AGBL1: variants seen among roughly 807,000 people sequenced by gnomAD.
AGBL1 encodes cytosolic carboxypeptidase 4.
AGBL1 carries 130 observed loss-of-function variants against 118.9 expected under a neutral mutation model. That is an observed-to-expected ratio of 1.09 (90% CI 0.95 to 1.26). AGBL1 has a LOEUF of 1.26. AGBL1 is among the 50% of genes most tolerant of loss of function. AGBL1 has a pLI of 0.00. For missense variants in AGBL1, 1,584 were observed against 1,298.1 expected (o/e 1.22, Z -3.38); for synonymous variants, 555 against 478.9 (o/e 1.16, Z -2.08).
Position 86,938,132 on chromosome 15 carries a change from G to T in AGBL1, c.3222-49855G>T, listed in dbSNP as rs2080698738. Among the ~76,000 whole-genome samples, 3 of 152,182 alleles carry T rather than the reference G, an allele frequency of 2.0e-5. No individual in the cohort carries two copies. The South Asian group carries it at 6.2e-4, about 32-fold the overall frequency. The stretch of plus-strand genomic sequence containing the variant: ...GATTGTGCAGAGACACTTCTGATAA[G>T]TGTGGTCCCTAATTTTCCAGCTTCC... On this transcript the variant is annotated intron_variant, in intron 23 of 24. Coordinates refer to the AGBL1 transcript ENST00000441037.
At chr15:86,086,728 T>C (rs1895681686) in intron 1 of AGBL1, among the ~76,000 whole-genome samples, 2 of 152,278 alleles carry the variant, frequency 1.3e-5, no homozygotes, top group South Asian at 2.1e-4. Flanking sequence ...GTTAAGCAAA[T>C]AAGTTGCTTA....
chr15:86,962,701 C>A (rs765627), intron 23 of AGBL1, among the ~76,000 whole-genome samples: 1 of 151,704 alleles, frequency 6.6e-6, no homozygotes, highest in South Asian at 2.1e-4. Flanking sequence ...AAACATATTT[C>A]GAGGCAGGTC....
At chr15:86,102,795 T>G (rs184526018) in intron 1 of AGBL1, among the ~76,000 whole-genome samples, 1 of 152,292 alleles carries the variant, frequency 6.6e-6, no homozygotes, top group Admixed American at 6.5e-5. Flanking sequence ...TATTTGGGGA[T>G]CTCTAAGCTT....
At chr15:86,389,004 T>A (rs2081238206) in intron 17 of AGBL1, among the ~76,000 whole-genome samples, 1 of 152,354 alleles carries the variant, frequency 6.6e-6, no homozygotes, top group Non-Finnish European at 1.5e-5. Flanking sequence ...ATTTAAAGGA[T>A]TCTTTTTATT....
intron 21 of AGBL1, among the ~76,000 whole-genome samples, chr15:86,649,406 A>G (rs1272555691): frequency 6.6e-6 from 1 of 152,166 alleles, no homozygotes; most frequent in African/African-American, 2.4e-5. Context: ...GAGTAGGAGA[A>G]TGAATGGGCA....
At chr15:86,917,112 G>A (rs2080434092), downstream of AGBL1, among the ~76,000 whole-genome samples, 1 of 152,224 alleles carries the variant, frequency 6.6e-6, no homozygotes, top group South Asian at 2.1e-4. This position sits in a 1 kb window ranked among gnomAD's most constrained non-coding sequence, Gnocchi z 4.8. Context: ...CTGCACTGGT[G>A]TTTAAAGTGC....
chr15:86,182,104 A>G (rs559666852), intron 5 of AGBL1, among the ~76,000 whole-genome samples: 15 of 152,206 alleles, frequency 9.9e-5, no homozygotes, highest in African/African-American at 3.6e-4. Flanking sequence ...GCACAAAGCA[A>G]GAAATGGACT....
intron 22 of AGBL1, among the ~76,000 whole-genome samples, chr15:86,854,250 T>C (rs1596553713): frequency 6.6e-6 from 1 of 152,166 alleles, no homozygotes; most frequent in African/African-American, 2.4e-5. Flanking sequence ...GTAATGGACA[T>C]GTACAGGCCA....
intron 18 of AGBL1, among the ~76,000 whole-genome samples, chr15:86,423,172 A>G (rs1438652209): frequency 2.0e-5 from 3 of 152,248 alleles, no homozygotes; most frequent in Non-Finnish European, 2.9e-5. Context: ...ATGAATATCA[A>G]TGTGAAAATC....
Position 86,155,922 on chromosome 15 carries a change from AT to A in AGBL1, c.394+1370del, listed in dbSNP as rs553727891. Among the ~76,000 whole-genome samples the A allele has an allele frequency of 5.3e-5, 8 of 151,542 alleles. No homozygotes were observed. The East Asian group carries it at 5.9e-4, about 11-fold the overall frequency. On this transcript the variant is annotated intron_variant, in intron 4 of 22. Transcript: ENST00000614907. ...TGTATTTTCTCACTTTATTTTTTTA[AT>A]TTTTTTTTATTTTTTTGAGATGAAG...
At chr15:86,422,561 T>C (rs545953147) in intron 18 of AGBL1, among the ~76,000 whole-genome samples, 1 of 151,382 alleles carries the variant, frequency 6.6e-6, no homozygotes, top group Non-Finnish European at 1.5e-5. Flanking sequence ...GCAAACAAAT[T>C]CAAAAGCTAG....
chr15:87,014,661 A>G lies in AGBL1; in HGVS notation c.3324-14164A>G, dbSNP rs114765191. Among the ~76,000 whole-genome samples the G allele has an allele frequency of 8.1e-3, 1,241 of 152,316 alleles. 20 individuals carry two copies. Among genetic ancestry groups the G allele is most frequent in the African/African-American group, 0.023 (964 of 41,582 alleles). On this transcript the variant is annotated intron_variant, in intron 24 of 24. Coordinates refer to the AGBL1 transcript ENST00000441037. Reference sequence around the variant, plus strand: ...AGGCAGAATCAGAAGGAAGAGGTACAGAAGAGTACCCGGATATTTCAATGC... The same window carrying G: ...AGGCAGAATCAGAAGGAAGAGGTACGGAAGAGTACCCGGATATTTCAATGC...
chr15:86,832,575 G>C (rs2079119935), intron 22 of AGBL1, among the ~76,000 whole-genome samples: 1 of 152,158 alleles, frequency 6.6e-6, no homozygotes, highest in Admixed American at 6.5e-5. Flanking sequence ...CAGTCTCTTT[G>C]CCAAAACATA....
chr15:86,592,030 C>A (rs1331665182), intron 21 of AGBL1, among the ~76,000 whole-genome samples: 1 of 152,112 alleles, frequency 6.6e-6, no homozygotes, highest in Non-Finnish European at 1.5e-5. Context: ...CACAATACCA[C>A]AGAAGTAATA....
chr15:86,618,008 G>T (rs912065402), intron 21 of AGBL1, among the ~76,000 whole-genome samples: 1 of 152,088 alleles, frequency 6.6e-6, no homozygotes, highest in South Asian at 2.1e-4. Context: ...TAGAAACTGA[G>T]CAGGGCTTCC....
chr15:86,444,906 G>A (rs1035823456), intron 18 of AGBL1, among the ~76,000 whole-genome samples: 5 of 152,200 alleles, frequency 3.3e-5, no homozygotes, highest in African/African-American at 1.2e-4. Flanking sequence ...TTCCCACAAA[G>A]TTGTTTTAAC....
At chr15:86,401,640 G>A (rs914513866) in intron 18 of AGBL1, among the ~76,000 whole-genome samples, 1 of 152,028 alleles carries the variant, frequency 6.6e-6, no homozygotes, top group Admixed American at 6.6e-5. Flanking sequence ...GGTGAAAGAT[G>A]AGGATCTAGT....
intron 21 of AGBL1, among the ~76,000 whole-genome samples, chr15:86,628,915 T>C (rs1043971528): frequency 1.3e-5 from 2 of 152,184 alleles, no homozygotes; most frequent in Admixed American, 6.5e-5. Flanking sequence ...ATGTTTGATA[T>C]ACATTGGGAA....
At chr15:86,325,059 T>C (rs544538654) in intron 17 of AGBL1, among the ~76,000 whole-genome samples, 1 of 152,286 alleles carries the variant, frequency 6.6e-6, no homozygotes, top group South Asian at 2.1e-4. Context: ...AGGAGTTTTG[T>C]TTCATCCTAT....
Sources: allele counts gnomAD v4.1 joint callset (sites outside exome capture counted in the v4.1 genomes callset), GRCh38; gene constraint gnomAD v4.1.1; non-coding constraint Gnocchi (gnomAD v3.1); transcripts MANE v1.5; gene names NCBI Gene and HGNC (gene_info 2026-07-23, HGNC 2026-07-21).